The following KIF13A variants were observed in gnomAD, a reference collection of about 807,000 sequenced individuals.
The protein encoded by KIF13A is kinesin family member 13A.
Under a neutral mutation model 212.2 loss-of-function variants are expected in KIF13A, and 79 were observed. The observed-to-expected ratio is 0.37, with a 90% CI of 0.31 to 0.45. The LOEUF (loss-of-function observed/expected upper bound fraction) is 0.45, where lower values mean the gene tolerates loss of function less well. KIF13A is among the 20% of genes least tolerant of loss of function. The pLI is 1.00. For missense variants in KIF13A, 1,901 were observed against 2,209.0 expected (o/e 0.86, Z 2.79); for synonymous variants, 789 against 808.6 (o/e 0.98, Z 0.41).
intron 25 of KIF13A, among the ~76,000 whole-genome samples, chr6:17,793,456 CAATTCTTAGAGG>C (rs889151534): frequency 3.3e-5 from 5 of 151,932 alleles, no homozygotes; most frequent in African/African-American, 1.2e-4. Flanking sequence ...ATTCTTAGAT[CAATTCTTAGAGG>C]TTTTCATCTT....
chr6:17,868,405 G>A (rs1334949520), intron 4 of KIF13A, among the ~76,000 whole-genome samples: 1 of 152,172 alleles, frequency 6.6e-6, no homozygotes, highest in Middle Eastern at 3.2e-3. Context: ...CTGCTTTCAA[G>A]TTTATCAGTA....
chr6:17,966,347 G>A (rs1056856706), intron 2 of KIF13A, among the ~76,000 whole-genome samples: 1 of 151,800 alleles, frequency 6.6e-6, no homozygotes, highest in Admixed American at 6.6e-5. Context: ...TAGTACCCAT[G>A]AGAATACCCT....
intron 25 of KIF13A, among the ~76,000 whole-genome samples, chr6:17,791,901 CA>C (rs57423111): frequency 8.1e-4 from 73 of 89,968 alleles, no homozygotes; most frequent in African/African-American, 1.6e-3. Flanking sequence ...GACTCTGTCT[CA>C]AAAAAAAAAA....
chr6:17,889,546 A>G (rs1414012773), intron 3 of KIF13A, among the ~76,000 whole-genome samples: 5 of 152,204 alleles, frequency 3.3e-5, no homozygotes, highest in Admixed American at 2.6e-4. Flanking sequence ...TCAGTTATTT[A>G]TATGTTTTCC....
chr6:17,767,161 GAGAAGGAACAA>G (rs576661659), intron 38 of KIF13A, among the ~76,000 whole-genome samples: 166 of 152,302 alleles, frequency 1.1e-3, no homozygotes, highest in Admixed American at 2.0e-3. Flanking sequence ...CAGAATGTTG[GAGAAGGAACAA>G]AGATTGAACA....
rs34761321 is a variant in KIF13A at position 17,837,082 on chromosome 6, C to T, written c.951G>A (p.Leu317=). ...TCATAGAGGTTTGGCTGTTGCCCCC[C>T]AAGTTGTCCTGCCAAGTATTTCAAA... ...SVLTWLLKDN[L]GGNSQTSMIA... Residue 317 remains leucine, a synonymous_variant, in exon 11 of 39, where the codon TTG becomes TTA. Coordinates refer to ENST00000259711, the MANE Select transcript of KIF13A (RefSeq NM_022113.6). This position sits in a 1 kb window ranked among gnomAD's most constrained non-coding sequence, Gnocchi z 5.4. 2.9e-4 allele frequency: 469 copies of T among 1,613,710 alleles called. 2 individuals are homozygous for T. The African/African-American group carries it at 5.3e-3, about 18-fold the overall frequency.
chr6:17,931,704 A>T (rs1222200814), intron 2 of KIF13A, among the ~76,000 whole-genome samples: 1 of 152,222 alleles, frequency 6.6e-6, no homozygotes, highest in Non-Finnish European at 1.5e-5. Context: ...CTCTGTGGTC[A>T]TAAATGACAA....
downstream of KIF13A, among the ~76,000 whole-genome samples, chr6:17,762,202 G>A (rs969536120): frequency 2.7e-5 from 4 of 148,970 alleles, no homozygotes; most frequent in Admixed American, 2.1e-4. Context: ...ACTAAGCCCA[G>A]GTGAATTTGA....
chr6:17,799,083 T>A lies in KIF13A; in HGVS notation c.2790+183A>T, dbSNP rs943749331. Among the ~76,000 whole-genome samples the A allele has an allele frequency of 4.7e-4, 72 of 152,228 alleles. No individual in the cohort carries two copies. The highest frequency in any genetic ancestry group is 1.7e-3 in the African/African-American group (71 of 41,460). ...TGGGGAACAAGACTGTTGGTAGAGA[T>A]CTTTTAGATTTTATTTTAAATATTT... On this transcript the variant is annotated intron_variant, in intron 22 of 38. Coordinates refer to ENST00000259711, the MANE Select transcript of KIF13A (RefSeq NM_022113.6). This position sits in a 1 kb window ranked among gnomAD's most constrained non-coding sequence, Gnocchi z 4.4.
At chr6:17,802,932 G>T (rs9396806) in intron 20 of KIF13A, among the ~76,000 whole-genome samples, 1,242 of 111,030 alleles carry the variant, frequency 0.011, 23 homozygotes, top group African/African-American at 0.032. Context: ...TGTTTTTTTT[G>T]TTTTTTTTTG....
rs60507932 is a variant in KIF13A at position 17,879,037 on chromosome 6, A to G, written c.160-5600T>C. ...AAACATTTACTAGGAAGAAAGCTGAAGTCCAGAAATCTACATGATTTCCCT... is the reference window on the plus strand; with the variant it reads ...AAACATTTACTAGGAAGAAAGCTGAGGTCCAGAAATCTACATGATTTCCCT... On this transcript the variant is annotated intron_variant, in intron 3 of 38. Transcript: ENST00000259711. Among the ~76,000 whole-genome samples the G allele has an allele frequency of 5.1e-3, 782 of 152,332 alleles. 3 individuals carry two copies. Among genetic ancestry groups the G allele is most frequent in the African/African-American group, 0.018 (752 of 41,574 alleles).
In KIF13A at chr6:17,825,971, T is replaced by C. The variant is rs912343856; in HGVS notation, c.1620-37A>G. 3 of 1,611,704 alleles carry C rather than the reference T, an allele frequency of 1.9e-6. No homozygotes were observed. Among genetic ancestry groups the C allele is most frequent in the Admixed American group, 1.7e-5 (1 of 59,852 alleles). ...TTCACCATTAGAGAAAATCAACTTG[T>C]TTTACACTTAAATAGATAACAGAAA... On this transcript the variant is annotated intron_variant, in intron 15 of 38. Transcript: ENST00000259711. This position sits in a 1 kb window ranked among gnomAD's most constrained non-coding sequence, Gnocchi z 4.5.
At chr6:17,948,557 CTT>C (rs71002289) in intron 2 of KIF13A, among the ~76,000 whole-genome samples, 4 of 84,140 alleles carry the variant, frequency 4.8e-5, no homozygotes, top group African/African-American at 9.8e-5. Context: ...CATCCATTTA[CTT>C]TTTTTTTTTT....
intron 32 of KIF13A, among the ~76,000 whole-genome samples, chr6:17,779,326 C>A (rs1760310927): frequency 7.2e-6 from 1 of 138,698 alleles, no homozygotes; most frequent in Non-Finnish European, 1.5e-5. Flanking sequence ...GGCTGGAGTG[C>A]AATGGCGCGA....
chr6:17,898,295 G>A lies in KIF13A; in HGVS notation c.147-115C>T, dbSNP rs1038153293. The stretch of plus-strand genomic sequence containing the variant: ...AAAAATAAGGTAAATTCAGCACCTT[G>A]ATAACATGATCTGAAAGATATTCTT... On this transcript the variant is annotated intron_variant, in intron 2 of 38. Coordinates refer to ENST00000259711, the MANE Select transcript of KIF13A (RefSeq NM_022113.6). This position sits in a 1 kb window ranked among gnomAD's most constrained non-coding sequence, Gnocchi z 5.2. 1.2e-5 allele frequency: 11 copies of A among 918,818 alleles called. No individual in the cohort carries two copies. Among genetic ancestry groups the A allele is most frequent in the Non-Finnish European group, 1.9e-5 (11 of 593,244 alleles). 56.9% of individuals were successfully genotyped at this position (918,818 alleles called of 1,614,324 possible).
At position 17,885,913 on chromosome 6, in the gene KIF13A, A is replaced by G. The variant is rs142073693; in HGVS notation, c.159+12255T>C. On this transcript the variant is annotated intron_variant, in intron 3 of 38. Coordinates refer to ENST00000259711, the MANE Select transcript of KIF13A (RefSeq NM_022113.6). ...GGGGTCGGAGTGTCACAAATGCACA[A>G]TCTGTGGTATTTCCAGTTCTTTCAT... Among the ~76,000 whole-genome samples, 494 of 152,270 alleles carry G rather than the reference A, an allele frequency of 3.2e-3. 5 individuals carry two copies. The highest frequency in any genetic ancestry group is 0.011 in the African/African-American group (454 of 41,542).
intron 2 of KIF13A, among the ~76,000 whole-genome samples, chr6:17,977,061 C>T (rs1159188449): frequency 6.6e-6 from 1 of 150,540 alleles, no homozygotes; most frequent in East Asian, 2.0e-4. Context: ...GAGACTGCGC[C>T]ACTGCACTCC....
intron 2 of KIF13A, among the ~76,000 whole-genome samples, chr6:17,977,114 CA>C (rs398000718): frequency 0.61 from 65,532 of 106,960 alleles, 18,438 homozygotes; most frequent in South Asian, 0.71. Context: ...AAAACAACAA[CA>C]AAAAAAAAAA....
rs1354948612 is a variant in KIF13A, at chr6:17,787,091, G to T, written c.3361+685C>A. Among the ~76,000 whole-genome samples, 1 of 152,192 alleles carries T rather than the reference G, an allele frequency of 6.6e-6. No homozygotes were observed. Among genetic ancestry groups the T allele is most frequent in the Non-Finnish European group, 1.5e-5 (1 of 68,038 alleles). The stretch of plus-strand genomic sequence containing the variant: ...ATGGCAATGGCCCAACAGTGGATAG[G>T]TGCTGACCTGCTAAGCGGTTTGGTT... On this transcript the variant is annotated intron_variant, in intron 27 of 38. Transcript: ENST00000259711. This position sits in a 1 kb window ranked among gnomAD's most constrained non-coding sequence, Gnocchi z 4.6.
Sources: allele counts gnomAD v4.1 joint callset (sites outside exome capture counted in the v4.1 genomes callset), GRCh38; gene constraint gnomAD v4.1.1; non-coding constraint Gnocchi (gnomAD v3.1); transcripts MANE v1.5; gene names NCBI Gene and HGNC (gene_info 2026-07-23, HGNC 2026-07-21).